The following BABAM2 variants were observed in gnomAD, a reference collection of about 807,000 sequenced individuals.
BABAM2 encodes BRISC and BRCA1 A complex member 2.
A neutral mutation model predicts 54.7 loss-of-function variants in BABAM2; 31 were observed. The ratio of observed to expected loss-of-function variants is 0.57; its 90% CI spans 0.43 to 0.77. BABAM2 has a LOEUF of 0.77. Among genes scored for constraint, BABAM2 ranks in the 30% least tolerant of loss-of-function variants. BABAM2 has a pLI of 0.00. For missense variants in BABAM2, 364 were observed against 455.8 expected, an observed-to-expected ratio of 0.80 and a Z score of 1.83; for synonymous variants, 167 against 162.9, an observed-to-expected ratio of 1.03 and a Z score of -0.19.
At chr2:28,183,056 G>A (rs1675815813) in intron 7 of BABAM2, among the ~76,000 whole-genome samples, 1 of 152,144 alleles carries the variant, frequency 6.6e-6, no homozygotes, top group Non-Finnish European at 1.5e-5. Context: ...TGATTCTTTA[G>A]GACCCAAAAG....
intron 4 of BABAM2, chr2:28,015,910 G>A: frequency 1.7e-6 from 1 of 583,804 alleles, no homozygotes; most frequent in Non-Finnish European, 3.1e-6. Flanking sequence ...TTCTGACAAG[G>A]ACTCAGATGA....
chr2:27,905,480 G>A (rs1666125204), intron 2 of BABAM2, among the ~76,000 whole-genome samples: 1 of 151,984 alleles, frequency 6.6e-6, no homozygotes, highest in South Asian at 2.1e-4. Context: ...TAGTTATGGG[G>A]GTGAAATGAG....
At chr2:28,092,494 A>C (rs1188319416) in intron 6 of BABAM2, among the ~76,000 whole-genome samples, 1 of 152,172 alleles carries the variant, frequency 6.6e-6, no homozygotes, top group Admixed American at 6.5e-5. Flanking sequence ...AAAGCATAAA[A>C]TATGAACAAA....
chr2:28,037,551 A>G (rs1012153340), intron 5 of BABAM2, among the ~76,000 whole-genome samples: 7 of 152,310 alleles, frequency 4.6e-5, no homozygotes, highest in East Asian at 1.9e-4. Flanking sequence ...GCATGTGTTC[A>G]GGTATGTCTG....
chr2:28,087,222 C>G (rs1665731096), intron 6 of BABAM2, among the ~76,000 whole-genome samples: 1 of 152,098 alleles, frequency 6.6e-6, no homozygotes, highest in African/African-American at 2.4e-5. Flanking sequence ...AGGCTTGGCT[C>G]CTGGAGGCCA....
At chr2:28,150,424 A>G (rs1159379040) in intron 7 of BABAM2, among the ~76,000 whole-genome samples, 3 of 152,204 alleles carry the variant, frequency 2.0e-5, no homozygotes, top group Admixed American at 6.6e-5. Flanking sequence ...GAGTACTGCC[A>G]TCTCCTTTTC....
At chr2:28,206,374 A>G (rs1235853814) in intron 7 of BABAM2, among the ~76,000 whole-genome samples, 1 of 152,132 alleles carries the variant, frequency 6.6e-6, no homozygotes, top group Non-Finnish European at 1.5e-5. Context: ...CAAAGGGGTG[A>G]GGTACCATGA....
intron 6 of BABAM2, among the ~76,000 whole-genome samples, chr2:28,052,792 G>A (rs1313920478): frequency 6.6e-6 from 1 of 152,174 alleles, no homozygotes; most frequent in African/African-American, 2.4e-5. Flanking sequence ...GTGTATGACA[G>A]TCACATTTTG....
Position 28,125,412 on chromosome 2 carries a change from G to T in BABAM2, c.571-3859G>T, listed in dbSNP as rs182389227. On this transcript the variant is annotated intron_variant, in intron 6 of 11. Transcript: ENST00000379624. ...GGGTTCAAGCAATTCTCCTGCCTCAGCCTCCCAAGTAGCTGGGATTACAGG... is the reference window on the plus strand; with the variant it reads ...GGGTTCAAGCAATTCTCCTGCCTCATCCTCCCAAGTAGCTGGGATTACAGG... Among the ~76,000 whole-genome samples the T allele has an allele frequency of 3.7e-3, 557 of 152,062 alleles. 9 individuals carry two copies. In the South Asian group the frequency reaches 0.045, roughly 12 times the overall value.
chr2:28,281,767 T>G (rs1013039521), intron 10 of BABAM2, among the ~76,000 whole-genome samples: 2 of 152,238 alleles, frequency 1.3e-5, no homozygotes, highest in African/African-American at 4.8e-5. Flanking sequence ...AACAAGCTAC[T>G]TTGTGTTCCT....
rs1261759583 is a variant in BABAM2, at chr2:28,112,151, C to CTTTTTCTT, written c.571-17119_571-17118insTTTTCTTT. 8.2e-4 allele frequency among the ~76,000 whole-genome samples: 16 copies of CTTTTTCTT among 19,620 alleles called. 3 individuals carry two copies. The highest frequency in any genetic ancestry group is 3.2e-3 in the African/African-American group (14 of 4,420). The allele number at this position is 19,620 out of a possible 152,430, so 12.9% of individuals were successfully genotyped here. A position where few individuals can be genotyped will look rare whatever the true frequency, so the allele number is the denominator to read the frequency against. Reference sequence around the variant, plus strand: ...TTTCTTTCTTTCTTTCTTTCTTTACCTCCCTCCCTCCCTCCCTCCCTCCCT... The same window carrying CTTTTTCTT: ...TTTCTTTCTTTCTTTCTTTCTTTACCTTTTTCTTTCCCTCCCTCCCTCCCTCCCTCCCT... On this transcript the variant is annotated intron_variant, in intron 6 of 11. Coordinates refer to ENST00000379624, the MANE Select transcript of BABAM2 (RefSeq NM_199191.3).
At chr2:28,204,693 A>G (rs1209832219) in intron 7 of BABAM2, among the ~76,000 whole-genome samples, 3 of 152,120 alleles carry the variant, frequency 2.0e-5, no homozygotes, top group African/African-American at 7.2e-5. Context: ...GTTTTAGCCA[A>G]CCTTTATTGA....
intron 6 of BABAM2, among the ~76,000 whole-genome samples, chr2:28,076,159 A>T (rs1320510701): frequency 6.6e-6 from 1 of 152,090 alleles, no homozygotes; most frequent in African/African-American, 2.4e-5. Flanking sequence ...CTTGTATTCC[A>T]GCATACAAGG....
At chr2:28,294,598 G>A (rs1393090646) in intron 10 of BABAM2, among the ~76,000 whole-genome samples, 1 of 152,102 alleles carries the variant, frequency 6.6e-6, no homozygotes, top group Non-Finnish European at 1.5e-5. Context: ...AGGAAAGCAA[G>A]TTTTAATTTT....
intron 5 of BABAM2, among the ~76,000 whole-genome samples, chr2:28,037,952 G>A (rs1249810253): frequency 6.6e-6 from 1 of 152,154 alleles, no homozygotes; most frequent in African/African-American, 2.4e-5. Context: ...ATAAGAAACG[G>A]GAGTCCTAGA....
chr2:28,064,593 A>G (rs781574153), intron 6 of BABAM2, among the ~76,000 whole-genome samples: 12 of 152,348 alleles, frequency 7.9e-5, no homozygotes, highest in African/African-American at 1.2e-4. Context: ...CTAATGTTCA[A>G]TTGATACTTG....
chr2:28,113,241 C>T (rs977117271), intron 6 of BABAM2, among the ~76,000 whole-genome samples: 1 of 152,058 alleles, frequency 6.6e-6, no homozygotes, highest in African/African-American at 2.4e-5. Flanking sequence ...CTTTTGTTGC[C>T]ATTGCTTTTG....
chr2:28,289,347 A>G (rs747158458), intron 10 of BABAM2, among the ~76,000 whole-genome samples: 4 of 152,196 alleles, frequency 2.6e-5, no homozygotes, highest in Non-Finnish European at 5.9e-5. Flanking sequence ...GTGAATATTA[A>G]TGTCTTACTT....
chr2:28,099,346 C>T (rs1666875114), intron 6 of BABAM2, among the ~76,000 whole-genome samples: 1 of 152,174 alleles, frequency 6.6e-6, no homozygotes, highest in Non-Finnish European at 1.5e-5. Flanking sequence ...ATAAACTGCA[C>T]ACCCCGAGGC....
Sources: allele counts gnomAD v4.1 joint callset (sites outside exome capture counted in the v4.1 genomes callset), GRCh38; gene constraint gnomAD v4.1.1; transcripts MANE v1.5; gene names NCBI Gene and HGNC (gene_info 2026-07-23, HGNC 2026-07-21).